The following SVOPL variants were observed in gnomAD, a reference collection of about 807,000 sequenced individuals.
The protein encoded by SVOPL is putative transporter SVOPL.
In SVOPL, 60 loss-of-function variants were observed where a neutral mutation model predicts 61.0. The observed-to-expected ratio is 0.98, with a 90% CI of 0.80 to 1.22. SVOPL has a LOEUF of 1.22. Ranked by LOEUF, SVOPL falls within the 50% of genes most tolerant of loss-of-function variation. The pLI, the probability that SVOPL is intolerant of heterozygous loss-of-function variation, is 0.00. For missense variants in SVOPL, 662 were observed against 643.9 expected, an observed-to-expected ratio of 1.03 and a Z score of -0.30; for synonymous variants, 279 against 250.0, an observed-to-expected ratio of 1.12 and a Z score of -1.09.
At chr7:138,601,813 C>T (rs1211295958) in intron 14 of SVOPL, among the ~76,000 whole-genome samples, 4 of 152,136 alleles carry the variant, frequency 2.6e-5, no homozygotes, top group African/African-American at 9.7e-5. Flanking sequence ...TCCTGAGTCC[C>T]TGCCTTACTT....
chr7:138,596,558 T>C (rs1215909831), intron 14 of SVOPL, 28 bp from the exon 15 acceptor site: 1 of 1,610,328 alleles, frequency 6.2e-7, no homozygotes, highest in Non-Finnish European at 8.5e-7. Flanking sequence ...ATTACTCAAT[T>C]TATTATGCTC....
intron 1 of SVOPL, among the ~76,000 whole-genome samples, chr7:138,684,442 T>C (rs1171325888): frequency 6.6e-6 from 1 of 151,176 alleles, no homozygotes; most frequent in Non-Finnish European, 1.5e-5. Context: ...GCAAAGGACC[T>C]GAGCAGACAG....
chr7:138,687,908 T>C (rs1802856107), intron 1 of SVOPL, among the ~76,000 whole-genome samples: 1 of 152,022 alleles, frequency 6.6e-6, no homozygotes, highest in Non-Finnish European at 1.5e-5. Flanking sequence ...TTCAAGTGAT[T>C]CTCCTGCCTT....
chr7:138,677,743 C>CT (rs34687538), intron 3 of SVOPL, among the ~76,000 whole-genome samples: 43,003 of 134,308 alleles, frequency 0.32, 6,672 homozygotes, highest in Middle Eastern at 0.47. Context: ...TCTACACAAT[C>CT]TTTTTTTTTT....
chr7:138,654,885 T>TA (rs34546434), intron 7 of SVOPL, among the ~76,000 whole-genome samples: 62 of 88,290 alleles, frequency 7.0e-4, no homozygotes, highest in African/African-American at 1.4e-3. Context: ...TTTTTTTTTT[T>TA]AAAAAAAAAA....
At chr7:138,653,363 G>C (rs181201523) in intron 7 of SVOPL, among the ~76,000 whole-genome samples, 1 of 152,122 alleles carries the variant, frequency 6.6e-6, no homozygotes, top group Non-Finnish European at 1.5e-5. Context: ...GGACATTCAC[G>C]GCTACAGAGG....
intron 3 of SVOPL, among the ~76,000 whole-genome samples, chr7:138,676,311 C>G (rs1802558549): frequency 6.6e-6 from 1 of 152,216 alleles, no homozygotes; most frequent in Non-Finnish European, 1.5e-5. Flanking sequence ...CACAAAATAC[C>G]TGAGACTGGG....
At chr7:138,681,143 G>A (rs1284365926) in intron 1 of SVOPL, among the ~76,000 whole-genome samples, 4 of 100,852 alleles carry the variant, frequency 4.0e-5, no homozygotes, top group Non-Finnish European at 5.5e-5. Context: ...TTTTGAACTT[G>A]AAAGAGATAT....
At chr7:138,601,444 C>T (rs1340210640) in intron 14 of SVOPL, among the ~76,000 whole-genome samples, 4 of 151,586 alleles carry the variant, frequency 2.6e-5, no homozygotes, top group Non-Finnish European at 5.9e-5. Context: ...GGAGGAAATG[C>T]CATTTGCAAC....
At chr7:138,672,175 C>A in intron 3 of SVOPL, 58 bp from the exon 4 acceptor site, 1 of 1,474,594 alleles carries the variant, frequency 6.8e-7, no homozygotes, top group South Asian at 1.2e-5. Context: ...CACTTCTTCT[C>A]ATATCTGCCT....
Position 138,644,762 on chromosome 7 carries a change from C to T in SVOPL, c.744G>A (p.Met248Ile), listed in dbSNP as rs748192142. The part of the protein sequence containing the change: ...ALATLERVAK[M>I]NRSVMPEGKL... Reference sequence around the variant, plus strand: ...TCCCCTCCGGCATGACCGAGCGGTTCATCTTGGCAACGCGCTCCAGAGTGG... The same window carrying T: ...TCCCCTCCGGCATGACCGAGCGGTTTATCTTGGCAACGCGCTCCAGAGTGG... Residue 248 changes from methionine (M) to isoleucine (I), a missense_variant, in exon 9 of 16, where the codon ATG (methionine) becomes ATA (isoleucine). Transcript: ENST00000674285. 3 of 1,614,050 alleles carry T rather than the reference C, an allele frequency of 1.9e-6. No homozygotes were observed. Among genetic ancestry groups the T allele is most frequent in the African/African-American group, 2.7e-5 (2 of 74,922 alleles).
At chr7:138,632,717 T>C (rs546723358) in intron 9 of SVOPL, among the ~76,000 whole-genome samples, 2 of 130,828 alleles carry the variant, frequency 1.5e-5, no homozygotes, top group East Asian at 4.6e-4. Context: ...GACAGGGGGT[T>C]GTGGAGGGAG....
Position 138,672,007 on chromosome 7 carries a change from G to A in SVOPL, c.273+12C>T. The A allele has an allele frequency of 6.4e-7, 1 of 1,551,012 alleles. No homozygotes were observed. On this transcript the variant is annotated intron_variant, in intron 4 of 15. Coordinates refer to ENST00000674285, the MANE Select transcript of SVOPL (RefSeq NM_001139456.2). Reference sequence around the variant, plus strand: ...AGTTGCTGTGTTCACGGCACAGGGAGCAGGTACTTACCGTGGTTACTAATG... The same window carrying A: ...AGTTGCTGTGTTCACGGCACAGGGAACAGGTACTTACCGTGGTTACTAATG...
At chr7:138,622,730 G>A (rs952728830) in intron 13 of SVOPL, among the ~76,000 whole-genome samples, 3 of 152,298 alleles carry the variant, frequency 2.0e-5, no homozygotes, top group South Asian at 4.1e-4. Flanking sequence ...CCAAAGTGCT[G>A]GGATTACAGG....
intron 10 of SVOPL, among the ~76,000 whole-genome samples, chr7:138,629,236 G>A (rs1010675971): frequency 1.7e-5 from 1 of 57,250 alleles, no homozygotes; most frequent in Non-Finnish European, 3.7e-5. Context: ...GGCTCTTCAT[G>A]ATTTTTTTTT....
chr7:138,624,496 C>T (rs1799808244), intron 13 of SVOPL, among the ~76,000 whole-genome samples: 1 of 152,156 alleles, frequency 6.6e-6, no homozygotes, highest in African/African-American at 2.4e-5. Context: ...TATCACAGCT[C>T]AAGAACAGTA....
intron 1 of SVOPL, among the ~76,000 whole-genome samples, chr7:138,685,916 A>G (rs1379989765): frequency 6.6e-6 from 1 of 152,052 alleles, no homozygotes; most frequent in African/African-American, 2.4e-5. Context: ...AGGCTAGAGG[A>G]AACGTTTGGA....
At chr7:138,629,072 G>A (rs1800032314) in intron 10 of SVOPL, among the ~76,000 whole-genome samples, 1 of 150,704 alleles carries the variant, frequency 6.6e-6, no homozygotes, top group Non-Finnish European at 1.5e-5. Flanking sequence ...AAAAAACTGG[G>A]TTATTTTTTC....
intron 14 of SVOPL, among the ~76,000 whole-genome samples, chr7:138,606,617 T>C (rs1798769892): frequency 6.6e-6 from 1 of 152,166 alleles, no homozygotes; most frequent in South Asian, 2.1e-4. Flanking sequence ...CTCCCTTCTC[T>C]GTGCAGCTAC....
Sources: gnomAD v4.1 joint callset for allele counts (sites outside exome capture counted in the v4.1 genomes callset) on GRCh38, gnomAD v4.1.1 for gene constraint, MANE v1.5 for transcripts, NCBI Gene and HGNC (gene_info 2026-07-23, HGNC 2026-07-21) for gene names.